LRP5: variants seen among roughly 807,000 people sequenced by gnomAD.
The protein encoded by LRP5 is LDL receptor related protein 5, also known as low-density lipoprotein receptor-related protein 5.
In LRP5, 62 loss-of-function variants were observed where a neutral mutation model predicts 154.1. That is an observed-to-expected ratio of 0.40 (90% CI 0.33 to 0.50). The LOEUF (loss-of-function observed/expected upper bound fraction) is 0.50, where lower values mean the gene tolerates loss of function less well. Among genes scored for constraint, LRP5 ranks in the 20% least tolerant of loss-of-function variants. The pLI is 0.55. For synonymous variants in LRP5, 966 were observed against 1,011.5 expected (o/e 0.96, Z 0.85); for missense variants, 1,915 against 2,336.7 (o/e 0.82, Z 3.72).
intron 9 of LRP5, among the ~76,000 whole-genome samples, chr11:68,409,108 A>ACG (rs1383314493): frequency 4.6e-5 from 6 of 130,638 alleles, no homozygotes; most frequent in Non-Finnish European, 6.3e-5. Flanking sequence ...ACACACATAC[A>ACG]CGCACACACA....
Position 68,413,697 on chromosome 11 carries a change from C to A in LRP5, c.2512C>A (p.Arg838=). Residue 838 remains arginine (R), a synonymous_variant, in exon 12 of 23, where the codon CGG becomes AGG. Transcript: ENST00000294304. This position sits in a 1 kb window ranked among gnomAD's most constrained non-coding sequence, Gnocchi z 5.1. The part of the protein sequence containing the change: ...IESSNMLGQE[R]VVIADDLPHP... ...CGTGTGTGTTCATGCAGGTCAGGAG[C>A]GGGTCGTGATTGCCGACGATCTCCC... The A allele has an allele frequency of 6.2e-7, 1 of 1,613,656 alleles. No individual in the cohort carries two copies. Among genetic ancestry groups the A allele is most frequent in the Non-Finnish European group, 8.5e-7 (1 of 1,179,986 alleles).
chr11:68,381,490 G>A (rs1211837681), intron 5 of LRP5, among the ~76,000 whole-genome samples: 2 of 152,120 alleles, frequency 1.3e-5, no homozygotes, highest in African/African-American at 2.4e-5. Context: ...GCCCTGCCTG[G>A]CCCTTGCCCC....
intron 7 of LRP5, among the ~76,000 whole-genome samples, chr11:68,395,681 G>C (rs968984486): frequency 6.6e-6 from 1 of 152,124 alleles, no homozygotes; most frequent in Non-Finnish European, 1.5e-5. Flanking sequence ...CACTCTCTGG[G>C]AAGGTGCAGG....
Position 68,411,581 on chromosome 11 carries a change from G to A in LRP5, c.2464G>A (p.Asp822Asn), listed in dbSNP as rs1388571506. 1.2e-6 allele frequency: 2 copies of A among 1,613,320 alleles called. No homozygotes were observed. Among genetic ancestry groups the A allele is most frequent in the Non-Finnish European group, 1.7e-6 (2 of 1,179,982 alleles). Residue 822 changes from aspartate to asparagine, a missense_variant, in exon 11 of 23, where the codon GAC (aspartate) becomes AAC (asparagine). By Grantham distance (23) the Asp-to-Asn change is conservative (BLOSUM62 1). Coordinates refer to ENST00000294304, the MANE Select transcript of LRP5 (RefSeq NM_002335.4). ...CGCTGACCAGCGCCTCTACTGGACC[G>A]ACCTGGACACCAACATGATCGAGTC... ...DYADQRLYWT[D>N]LDTNMIESSN...
chr11:68,310,754 CAAAA>C (rs756320384), upstream of LRP5, among the ~76,000 whole-genome samples: 4 of 63,916 alleles, frequency 6.3e-5, no homozygotes, highest in Admixed American at 5.3e-4. Context: ...GACCCTGTCT[CAAAA>C]AAAAAAAAAA....
intron 5 of LRP5, among the ~76,000 whole-genome samples, chr11:68,380,022 A>G (rs1203299832): frequency 6.6e-6 from 1 of 152,154 alleles, no homozygotes; most frequent in East Asian, 1.9e-4. Context: ...AATCCCAGCT[A>G]CTCAGGAGGC....
At chr11:68,415,684 T>A (rs758288804) in intron 12 of LRP5, among the ~76,000 whole-genome samples, 9 of 47,942 alleles carry the variant, frequency 1.9e-4, no homozygotes, top group Middle Eastern at 0.012. Context: ...GGTGGAAGTT[T>A]CAAGTGAGCT....
At chr11:68,381,130 G>A (rs1478163453) in intron 5 of LRP5, among the ~76,000 whole-genome samples, 5 of 152,214 alleles carry the variant, frequency 3.3e-5, no homozygotes. Context: ...TGCGATGGCG[G>A]CCACAAGCCA....
Position 68,390,117 on chromosome 11 carries a change from TA to T in LRP5, c.1584+66del, listed in dbSNP as rs912602676. ...CCCAGCCACCCCCTGCAGCCAGATGTACGTATTGGCGAGGCACCGATGGGTG... is the reference window on the plus strand; with the variant it reads ...CCCAGCCACCCCCTGCAGCCAGATGTCGTATTGGCGAGGCACCGATGGGTG... On this transcript the variant is annotated intron_variant, in intron 7 of 22. Coordinates refer to ENST00000294304, the MANE Select transcript of LRP5 (RefSeq NM_002335.4). 46 of 1,586,288 alleles carry T rather than the reference TA, an allele frequency of 2.9e-5. No homozygotes were observed. The South Asian group carries it at 3.7e-4, about 13-fold the overall frequency.
At chr11:68,378,550 C>T (rs2153147993) in intron 5 of LRP5, among the ~76,000 whole-genome samples, 1 of 152,102 alleles carries the variant, frequency 6.6e-6, no homozygotes, top group Admixed American at 6.5e-5. Flanking sequence ...GACCGAGAGC[C>T]TCTAAGGATA....
At chr11:68,373,316 G>C (rs1348013152) in intron 5 of LRP5, among the ~76,000 whole-genome samples, 12 of 152,140 alleles carry the variant, frequency 7.9e-5, no homozygotes, top group Non-Finnish European at 1.8e-4. Flanking sequence ...GTCACACCGG[G>C]ACCCCAAGGG....
chr11:68,443,223 C>T (rs944489054), intron 21 of LRP5, among the ~76,000 whole-genome samples: 1 of 151,758 alleles, frequency 6.6e-6, no homozygotes, highest in African/African-American at 2.4e-5. Context: ...AACCTTTGGG[C>T]CCAGCGTGAT....
At chr11:68,306,438 T>C in the LRP5 span, among the ~76,000 whole-genome samples, 14 of 152,340 alleles carry the variant, frequency 9.2e-5, no homozygotes, top group East Asian at 2.5e-3. Flanking sequence ...GCCCAGCCTC[T>C]GCTTTTCTTT....
chr11:68,409,051 G>GGAAAAAAAAAAA, intron 9 of LRP5, among the ~76,000 whole-genome samples: 1 of 51,420 alleles, frequency 1.9e-5, no homozygotes, highest in Non-Finnish European at 3.3e-5. Flanking sequence ...CTTATCTGGG[G>GGAAAAAAAAAAA]AAAAAAAAAA....
At chr11:68,360,971 T>G (rs1202015174) in intron 3 of LRP5, among the ~76,000 whole-genome samples, 1 of 100,392 alleles carries the variant, frequency 1.0e-5, no homozygotes, top group African/African-American at 4.0e-5. Flanking sequence ...CACTCCAGCC[T>G]GGGCGACAGA....
At chr11:68,445,713 C>G in intron 21 of LRP5, 1 of 1,280,222 alleles carries the variant, frequency 7.8e-7, no homozygotes, top group Non-Finnish European at 1.0e-6. Flanking sequence ...GTGTGTGGGC[C>G]CAGGGCCCCT....
the LRP5 span, among the ~76,000 whole-genome samples, chr11:68,304,635 T>C: frequency 6.6e-6 from 1 of 152,246 alleles, no homozygotes; most frequent in African/African-American, 2.4e-5. Flanking sequence ...AGAGCAGCCA[T>C]GGGGACTGAA....
chr11:68,370,366 G>A (rs1016025828), intron 5 of LRP5, among the ~76,000 whole-genome samples: 1 of 152,066 alleles, frequency 6.6e-6, no homozygotes, highest in Non-Finnish European at 1.5e-5. Context: ...GGAGAGGGGG[G>A]GACAGGCCCT....
At chr11:68,416,243 G>T in intron 12 of LRP5, 85 bp from the exon 13 acceptor site, 1 of 1,195,260 alleles carries the variant, frequency 8.4e-7, no homozygotes, top group Non-Finnish European at 1.2e-6. Context: ...TGAGCCGCCT[G>T]TTGTCGAGTG....
Sources: gnomAD v4.1 joint callset for allele counts (sites outside exome capture counted in the v4.1 genomes callset) on GRCh38, gnomAD v4.1.1 for gene constraint, Gnocchi (gnomAD v3.1) non-coding constraint, MANE v1.5 for transcripts, NCBI Gene and HGNC (gene_info 2026-07-23, HGNC 2026-07-21) for gene names.